Variants in SEC22A observed in about 807,000 individuals in gnomAD.
SEC22A encodes SEC22 homolog A, vesicle trafficking protein.
In SEC22A, 22 loss-of-function variants were observed where a neutral mutation model predicts 35.3. That is an observed-to-expected ratio of 0.62 (90% confidence interval 0.45 to 0.89). The LOEUF is 0.89. SEC22A is among the 40% of genes least tolerant of loss of function. The pLI, the probability that SEC22A is intolerant of heterozygous loss-of-function variation, is 0.00. For missense variants in SEC22A, 354 were observed against 362.5 expected, an observed-to-expected ratio of 0.98 and a Z score of 0.19; for synonymous variants, 119 against 129.5, an observed-to-expected ratio of 0.92 and a Z score of 0.55.
chr3:123,211,227 A>G (rs139670541), intron 2 of SEC22A, among the ~76,000 whole-genome samples: 1 of 152,226 alleles, frequency 6.6e-6, no homozygotes, highest in Non-Finnish European at 1.5e-5. Flanking sequence ...ACACCAAAAG[A>G]ACTAGAATGA....
At chr3:123,202,491 G>T (rs1446605759) in intron 1 of SEC22A, among the ~76,000 whole-genome samples, 3 of 152,118 alleles carry the variant, frequency 2.0e-5, no homozygotes, top group Admixed American at 2.0e-4. Flanking sequence ...AGTGAGCCCT[G>T]AGCCCAGATA....
At chr3:123,262,131 T>C (rs1279317777) in intron 6 of SEC22A, among the ~76,000 whole-genome samples, 1 of 152,198 alleles carries the variant, frequency 6.6e-6, no homozygotes, top group African/African-American at 2.4e-5. Flanking sequence ...CTGTCTCCAG[T>C]TGTCAGGATA....
chr3:123,210,142 A>G (rs144199894), intron 2 of SEC22A, among the ~76,000 whole-genome samples: 11 of 152,310 alleles, frequency 7.2e-5, no homozygotes, highest in East Asian at 3.9e-4. Context: ...GTTTTAAGCT[A>G]TAGAGTTACA....
At chr3:123,202,279 G>T in intron 1 of SEC22A, 1 of 152,770 alleles carries the variant, frequency 6.5e-6, no homozygotes, top group Non-Finnish European at 1.5e-5. Flanking sequence ...GTGTTGGGCA[G>T]CCAGGAAAGG....
At chr3:123,218,639 TA>T (rs1328465138) in intron 2 of SEC22A, among the ~76,000 whole-genome samples, 1 of 152,136 alleles carries the variant, frequency 6.6e-6, no homozygotes, top group African/African-American at 2.4e-5. Context: ...GAACCCTCAA[TA>T]AAGCCTTCTG....
chr3:123,252,223 C>T (rs377230369), intron 5 of SEC22A, among the ~76,000 whole-genome samples: 1 of 152,092 alleles, frequency 6.6e-6, no homozygotes, highest in Non-Finnish European at 1.5e-5. Flanking sequence ...AAGACATACT[C>T]TTAGCCCTCT....
intron 6 of SEC22A, among the ~76,000 whole-genome samples, chr3:123,268,484 A>C (rs1027871041): frequency 2.0e-5 from 3 of 152,126 alleles, no homozygotes; most frequent in Non-Finnish European, 2.9e-5. Flanking sequence ...TGTTTTACAT[A>C]TAATGTCCAG....
At chr3:123,231,403 A>G (rs1461193817) in intron 4 of SEC22A, among the ~76,000 whole-genome samples, 1 of 152,216 alleles carries the variant, frequency 6.6e-6, no homozygotes, top group African/African-American at 2.4e-5. Context: ...GATAGACCTT[A>G]TGCTAAGCTA....
chr3:123,219,381 G>A (rs537650366), intron 2 of SEC22A, among the ~76,000 whole-genome samples: 13 of 152,270 alleles, frequency 8.5e-5, no homozygotes, highest in African/African-American at 2.9e-4. Context: ...CTTGGAAAAA[G>A]TGAAAAAACA....
At position 123,245,771 on chromosome 3, in the gene SEC22A, A is replaced by G; in HGVS notation, c.542-128A>G. ...TATAACAGTATTTAATTGTGAATAT[A>G]TGGTGTTAAATAATTCTATGAAGTA... On this transcript the variant is annotated intron_variant, in intron 4 of 6. Coordinates refer to ENST00000492595, the MANE Select transcript of SEC22A (RefSeq NM_012430.5). 3 of 607,028 alleles carry G rather than the reference A, an allele frequency of 4.9e-6. No individual in the cohort carries two copies. In the South Asian group the frequency reaches 7.0e-5, roughly 14 times the overall value. 37.6% of individuals were successfully genotyped at this position (607,028 alleles called of 1,614,324 possible).
intron 2 of SEC22A, 88 bp from the exon 3 acceptor site, chr3:123,223,471 G>A (rs1310264654): frequency 5.8e-6 from 6 of 1,027,180 alleles, no homozygotes; most frequent in Admixed American, 2.1e-5. Flanking sequence ...CGTAGTAGCA[G>A]TTTATGGTGT....
intron 6 of SEC22A, among the ~76,000 whole-genome samples, chr3:123,267,995 C>G (rs1175146653): frequency 6.6e-6 from 1 of 152,132 alleles, no homozygotes; most frequent in East Asian, 1.9e-4. Context: ...TCCAGAGTCC[C>G]ACGTGTTCTC....
chr3:123,219,360 T>C (rs1243168640), intron 2 of SEC22A, among the ~76,000 whole-genome samples: 1 of 152,178 alleles, frequency 6.6e-6, no homozygotes, highest in East Asian at 1.9e-4. Context: ...AAAATAGAGA[T>C]TGATTTGTGG....
intron 3 of SEC22A, 127 bp downstream of exon 3, chr3:123,223,849 T>A (rs1937173463): frequency 3.0e-6 from 2 of 662,284 alleles, no homozygotes; most frequent in Non-Finnish European, 4.9e-6. Flanking sequence ...TGGTAAATGA[T>A]CTATAAATTA....
chr3:123,232,360 A>C (rs184920757), intron 4 of SEC22A, among the ~76,000 whole-genome samples: 8 of 152,332 alleles, frequency 5.3e-5, no homozygotes, highest in African/African-American at 1.7e-4. Flanking sequence ...GAAATGGATA[A>C]ATTCCTAGAA....
intron 4 of SEC22A, 32 bp from the exon 5 acceptor site, chr3:123,245,867 G>A: frequency 7.9e-7 from 1 of 1,259,718 alleles, no homozygotes; most frequent in Non-Finnish European, 1.2e-6. Context: ...AGGTATTGGT[G>A]TTCATTTCTA....
At chr3:123,237,754 G>C (rs1323365824) in intron 4 of SEC22A, among the ~76,000 whole-genome samples, 5 of 152,190 alleles carry the variant, frequency 3.3e-5, no homozygotes, top group Admixed American at 6.5e-5. Context: ...CGTATCACCT[G>C]ACTTCCATAA....
At chr3:123,233,654 C>CA (rs34046685) in intron 4 of SEC22A, among the ~76,000 whole-genome samples, 10,726 of 149,790 alleles carry the variant, frequency 0.072, 775 homozygotes, top group African/African-American at 0.19. Flanking sequence ...AACAAACAAA[C>CA]AAAAAAAAAC....
chr3:123,208,208 A>G (rs1397753482), intron 1 of SEC22A: 3 of 152,208 alleles, frequency 2.0e-5, no homozygotes, highest in Non-Finnish European at 1.5e-5. Context: ...CTCCACAAAC[A>G]TAACTTTTAG....
Sources: gnomAD v4.1 joint callset for allele counts (sites outside exome capture counted in the v4.1 genomes callset) on GRCh38, gnomAD v4.1.1 for gene constraint, MANE v1.5 for transcripts, NCBI Gene and HGNC (gene_info 2026-07-23, HGNC 2026-07-21) for gene names.